Variants in SV2B observed in about 807,000 individuals in gnomAD.
SV2B encodes synaptic vesicle glycoprotein 2B.
In SV2B, 41 loss-of-function variants were observed where a neutral mutation model predicts 73.9. That is an observed-to-expected ratio of 0.56 (90% CI 0.43 to 0.72). The LOEUF is 0.72. Among genes scored for constraint, SV2B ranks in the 30% least tolerant of loss-of-function variants. The pLI, the probability that SV2B is intolerant of heterozygous loss-of-function variation, is 0.00. For missense variants in SV2B, 764 were observed against 857.8 expected (o/e 0.89, Z 1.37); for synonymous variants, 314 against 314.2 (o/e 1.00, Z 0.01).
At position 91,298,610 on chromosome 15, in the gene SV2B, G is replaced by C. The variant is rs1381356662; in HGVS notation, c.*6058G>C. 3 of 152,180 alleles carry C rather than the reference G, an allele frequency of 2.0e-5. No individual in the cohort carries two copies. Among genetic ancestry groups the C allele is most frequent in the Admixed American group, 6.5e-5 (1 of 15,278 alleles). 9.4% of individuals were successfully genotyped at this position (152,180 alleles called of 1,614,324 possible). On this transcript the variant is annotated 3_prime_UTR_variant, in exon 13 of 13. Transcript: ENST00000394232. This position sits in a 1 kb window ranked among gnomAD's most constrained non-coding sequence, Gnocchi z 5.4. ...AGGACCATACTATGCCCCCTGGAAGGTTCAGTTTATGAGCTGGAGCACAAG... is the reference window on the plus strand; with the variant it reads ...AGGACCATACTATGCCCCCTGGAAGCTTCAGTTTATGAGCTGGAGCACAAG...
At chr15:91,101,845 A>G (rs1270986873) in intron 1 of SV2B, 2 of 152,206 alleles carry the variant, frequency 1.3e-5, no homozygotes, top group East Asian at 1.9e-4. Context: ...AGAGAGGAGC[A>G]CACACAATAC....
intron 2 of SV2B, among the ~76,000 whole-genome samples, chr15:91,238,078 T>C (rs941478803): frequency 6.6e-6 from 1 of 152,148 alleles, no homozygotes; most frequent in Non-Finnish European, 1.5e-5. Context: ...ATGAATGAAG[T>C]TGAAAGGTTT....
In SV2B at chr15:91,123,699, C is replaced by T. The variant is rs1051740980; in HGVS notation, c.-392+23336C>T. On this transcript the variant is annotated intron_variant, in intron 1 of 12. Coordinates refer to ENST00000394232, the MANE Select transcript of SV2B (RefSeq NM_001323032.3). The surrounding 1 kb of genome is among the most constrained non-coding windows in gnomAD (Gnocchi z 4.7). ...CTTTCTGAAGAGTAGACGTGAGGAG[C>T]GGTAGAGTTGTGATGCAGGTCTTCG... 4.6e-5 allele frequency among the ~76,000 whole-genome samples: 7 copies of T among 152,242 alleles called. No homozygotes were observed. The East Asian group carries it at 7.7e-4, about 17-fold the overall frequency.
At chr15:91,277,075 G>A (rs1032552321) in intron 9 of SV2B, among the ~76,000 whole-genome samples, 2 of 152,086 alleles carry the variant, frequency 1.3e-5, no homozygotes, top group African/African-American at 4.8e-5. Flanking sequence ...GCCCACCTTG[G>A]CCTCCCAACT....
At chr15:91,183,507 A>G (rs116659385) in intron 1 of SV2B, among the ~76,000 whole-genome samples, 119 of 152,272 alleles carry the variant, frequency 7.8e-4, no homozygotes, top group African/African-American at 2.7e-3. Context: ...AAGCTGCACA[A>G]CTTTTTATGA....
At chr15:91,193,995 G>GTTTT (rs199587537) in intron 1 of SV2B, among the ~76,000 whole-genome samples, 1 of 151,038 alleles carries the variant, frequency 6.6e-6, no homozygotes, top group African/African-American at 2.5e-5. Flanking sequence ...GGGTATAGAG[G>GTTTT]TTTTTTTTGT....
intron 1 of SV2B, among the ~76,000 whole-genome samples, chr15:91,120,720 G>A (rs906366362): frequency 1.3e-5 from 2 of 151,632 alleles, no homozygotes; most frequent in Non-Finnish European, 2.9e-5. Context: ...AGGCTGAGGT[G>A]GGAGGATCAC....
intron 1 of SV2B, among the ~76,000 whole-genome samples, chr15:91,199,969 G>A (rs751731076): frequency 6.6e-6 from 1 of 152,190 alleles, no homozygotes; most frequent in Non-Finnish European, 1.5e-5. Context: ...AGAGAGGCAA[G>A]CTCCTACAGC....
intron 1 of SV2B, among the ~76,000 whole-genome samples, chr15:91,166,528 T>A (rs1252681200): frequency 6.6e-6 from 1 of 152,032 alleles, no homozygotes; most frequent in Non-Finnish European, 1.5e-5. Flanking sequence ...TTAAAATTGT[T>A]AAAAAATTTT....
At chr15:91,112,696 G>A (rs567885530) in intron 1 of SV2B, among the ~76,000 whole-genome samples, 4 of 152,128 alleles carry the variant, frequency 2.6e-5, no homozygotes, top group African/African-American at 7.2e-5. Context: ...GGATTTTCCC[G>A]CTTTCTCTTT....
chr15:91,178,698 C>G (rs1308192949), intron 1 of SV2B, among the ~76,000 whole-genome samples: 2 of 151,304 alleles, frequency 1.3e-5, no homozygotes, highest in Admixed American at 1.3e-4. Context: ...TTGTAGTATT[C>G]TCTGGTGGTA....
At chr15:91,177,159 C>A (rs977016902) in intron 1 of SV2B, among the ~76,000 whole-genome samples, 1 of 151,784 alleles carries the variant, frequency 6.6e-6, no homozygotes, top group African/African-American at 2.4e-5. Context: ...ATCCTTTCCC[C>A]ATTGCTTGTT....
In SV2B at chr15:91,106,425, A is replaced by G. The variant is rs1028592760; in HGVS notation, c.-392+6062A>G. 6.6e-6 allele frequency among the ~76,000 whole-genome samples: 1 copy of G among 152,202 alleles called. No homozygotes were observed. Among genetic ancestry groups the G allele is most frequent in the Non-Finnish European group, 1.5e-5 (1 of 68,046 alleles). ...TATATCCTCAATGGATATGTACTGA[A>G]TGAGTGAATGGAACCACTTACTTAC... On this transcript the variant is annotated intron_variant, in intron 1 of 12. Transcript: ENST00000394232. The surrounding 1 kb of genome is among the most constrained non-coding windows in gnomAD (Gnocchi z 4.4).
Position 91,100,630 on chromosome 15 carries a change from C to A in SV2B, c.-392+267C>A, listed in dbSNP as rs1229468043. 3.9e-5 allele frequency among the ~76,000 whole-genome samples: 6 copies of A among 152,214 alleles called. No homozygotes were observed. The highest frequency in any genetic ancestry group is 1.2e-4 in the African/African-American group (5 of 41,456). On this transcript the variant is annotated intron_variant, in intron 1 of 12. Coordinates refer to ENST00000394232, the MANE Select transcript of SV2B (RefSeq NM_001323032.3). This position sits in a 1 kb window ranked among gnomAD's most constrained non-coding sequence, Gnocchi z 6.4. ...TTTAAAACCCTGTTTGAACTATTAG[C>A]GCCATAAGTAGTTTTGCAACTTATA...
rs112129012 is a variant in SV2B at position 91,267,883 on chromosome 15, G to A, written c.1208+240G>A. Among the ~76,000 whole-genome samples the A allele has an allele frequency of 2.9e-3, 447 of 151,544 alleles. 6 individuals are homozygous for A. The highest frequency in any genetic ancestry group is 1.0e-2 in the African/African-American group (410 of 41,202). On this transcript the variant is annotated intron_variant, in intron 8 of 12. Transcript: ENST00000394232. This position sits in a 1 kb window ranked among gnomAD's most constrained non-coding sequence, Gnocchi z 4.3. ...AGTGGCATGGGCTTGGCTCACTGCA[G>A]CCTGTGCCTCCTGGGTTCAAGCTAT...
In SV2B at chr15:91,141,745, G is replaced by A. The variant is rs1425349308; in HGVS notation, c.-392+41382G>A. ...TGCCAAATAGTTTGGGTTTTGTTTT[G>A]TTTTTTTTTTTGGACAGAGGTCACA... On this transcript the variant is annotated intron_variant, in intron 1 of 12. Transcript: ENST00000394232. This position sits in a 1 kb window ranked among gnomAD's most constrained non-coding sequence, Gnocchi z 4.6. 6.9e-6 allele frequency among the ~76,000 whole-genome samples: 1 copy of A among 145,396 alleles called. No homozygotes were observed. The highest frequency in any genetic ancestry group is 1.5e-5 in the Non-Finnish European group (1 of 66,002).
chr15:91,151,255 A>G (rs745599975), intron 1 of SV2B, among the ~76,000 whole-genome samples: 10 of 152,260 alleles, frequency 6.6e-5, no homozygotes, highest in Non-Finnish European at 1.5e-4. Flanking sequence ...CATGTCATTA[A>G]TGGTTACACA....
At chr15:91,210,801 G>A (rs2045827897) in intron 1 of SV2B, among the ~76,000 whole-genome samples, 1 of 152,252 alleles carries the variant, frequency 6.6e-6, no homozygotes, top group South Asian at 2.1e-4. Context: ...CCAGAAGCTA[G>A]AGAATATCTT....
At chr15:91,153,092 T>C (rs547741519) in intron 1 of SV2B, among the ~76,000 whole-genome samples, 89 of 152,246 alleles carry the variant, frequency 5.8e-4, no homozygotes, top group Middle Eastern at 6.8e-3. Flanking sequence ...AAGGGATGAA[T>C]GCTCTGTCCT....
Sources: gnomAD v4.1 joint callset for allele counts (sites outside exome capture counted in the v4.1 genomes callset) on GRCh38, gnomAD v4.1.1 for gene constraint, Gnocchi (gnomAD v3.1) non-coding constraint, MANE v1.5 for transcripts, NCBI Gene and HGNC (gene_info 2026-07-23, HGNC 2026-07-21) for gene names.